Variants in NR5A2 observed in about 807,000 individuals in gnomAD.
The protein encoded by NR5A2 is CYP7A promoter-binding factor.
NR5A2 carries 26 observed loss-of-function variants against 62.7 expected under a neutral mutation model. The observed-to-expected ratio is 0.41, with a 90% CI of 0.30 to 0.58. The LOEUF (loss-of-function observed/expected upper bound fraction) is 0.58. NR5A2 is among the 20% of genes least tolerant of loss of function. NR5A2 has a pLI of 0.22. For missense variants in NR5A2, 541 were observed against 669.1 expected (o/e 0.81, Z 2.11); for synonymous variants, 246 against 241.7 (o/e 1.02, Z -0.16).
At chr1:200,122,127 C>T (rs16846072) in intron 7 of NR5A2, among the ~76,000 whole-genome samples, 2,760 of 152,124 alleles carry the variant, frequency 0.018, 89 homozygotes, top group African/African-American at 0.063. Flanking sequence ...ATGGATGTAA[C>T]GTTCAAAGGT....
intron 7 of NR5A2, among the ~76,000 whole-genome samples, chr1:200,121,280 A>C (rs1025697057): frequency 4.6e-5 from 7 of 152,240 alleles, no homozygotes; most frequent in African/African-American, 1.7e-4. Flanking sequence ...GGAAAGATGT[A>C]TGGTATCAAA....
chr1:200,151,123 A>G (rs1167381239), intron 7 of NR5A2, among the ~76,000 whole-genome samples: 1 of 152,222 alleles, frequency 6.6e-6, no homozygotes, highest in Non-Finnish European at 1.5e-5. Context: ...ACTGCAAACC[A>G]TCTAGCTGAA....
chr1:200,133,610 T>TACAC (rs35303405), intron 7 of NR5A2, among the ~76,000 whole-genome samples: 5 of 143,428 alleles, frequency 3.5e-5, no homozygotes, highest in South Asian at 2.2e-4. Context: ...TACACATATA[T>TACAC]ACACACACAC....
chr1:200,038,023 T>A (rs942611334), intron 1 of NR5A2, among the ~76,000 whole-genome samples: 4 of 152,254 alleles, frequency 2.6e-5, no homozygotes. Context: ...TGGACTCTGA[T>A]AATTACTTCG....
chr1:200,059,884 C>T (rs188908547), intron 5 of NR5A2, among the ~76,000 whole-genome samples: 10 of 152,236 alleles, frequency 6.6e-5, no homozygotes, highest in Admixed American at 4.6e-4. Context: ...CTATTCTTCA[C>T]GTTAAAGACA....
intron 7 of NR5A2, among the ~76,000 whole-genome samples, chr1:200,173,208 T>A (rs1013888668): frequency 5.3e-5 from 8 of 152,194 alleles, no homozygotes; most frequent in African/African-American, 1.9e-4. Flanking sequence ...ATGCCTTTGC[T>A]CATCTTCTCT....
In NR5A2 at chr1:200,027,895, C is replaced by T. The variant is rs143373151; in HGVS notation, c.48C>T (p.His16=). The T allele has an allele frequency of 1.7e-4, 266 of 1,597,028 alleles. No homozygotes were observed. The highest frequency in any genetic ancestry group is 6.6e-4 in the Middle Eastern group (4 of 6,020). ...GGGATTTACAAGAGTCTTTAAAGCA[C>T]GGACTTACACCTATTGGTAAGTAGG... ...DTGDLQESLK[H]GLTPIGAGLP... is the part of the protein sequence containing the mutation. The change falls in exon 1 of 8, where the codon CAC becomes CAT. Residue 16 remains histidine, a synonymous_variant. Coordinates refer to ENST00000367362, the MANE Select transcript of NR5A2 (RefSeq NM_205860.3).
chr1:200,036,435 G>GAGGGAGTTCTGAGGGAGA (rs1558094930), intron 1 of NR5A2, among the ~76,000 whole-genome samples: 2 of 152,208 alleles, frequency 1.3e-5, no homozygotes, highest in African/African-American at 4.8e-5. Context: ...TCAGAGGGAG[G>GAGGGAGTTCTGAGGGAGA]AGGGAGTTCT....
intron 1 of NR5A2, among the ~76,000 whole-genome samples, chr1:200,030,179 C>G (rs1661500584): frequency 6.6e-6 from 1 of 152,094 alleles, no homozygotes; most frequent in Non-Finnish European, 1.5e-5. Flanking sequence ...GCAAGTTGGG[C>G]TGTGTTGAGT....
At chr1:200,031,954 T>C (rs1252305714) in intron 1 of NR5A2, among the ~76,000 whole-genome samples, 3 of 152,134 alleles carry the variant, frequency 2.0e-5, no homozygotes, top group Non-Finnish European at 4.4e-5. Flanking sequence ...AATGCTTCTC[T>C]CCTTTACTTG....
intron 7 of NR5A2, among the ~76,000 whole-genome samples, chr1:200,173,560 A>G (rs1415156435): frequency 1.3e-5 from 2 of 152,264 alleles, no homozygotes; most frequent in Non-Finnish European, 2.9e-5. Flanking sequence ...ACCTTGGGTC[A>G]GAAAAATTAA....
At chr1:200,169,763 G>C (rs1277440611) in intron 7 of NR5A2, among the ~76,000 whole-genome samples, 1 of 152,230 alleles carries the variant, frequency 6.6e-6, no homozygotes, top group South Asian at 2.1e-4. Context: ...AAGGGTTGGG[G>C]ATGCCTCTGT....
intron 7 of NR5A2, among the ~76,000 whole-genome samples, chr1:200,154,289 G>A (rs1255176459): frequency 1.3e-5 from 2 of 152,176 alleles, no homozygotes; most frequent in East Asian, 3.8e-4. Flanking sequence ...CACAGATGGT[G>A]TTATTTCCTG....
chr1:200,080,631 A>G (rs1395909195), intron 5 of NR5A2, among the ~76,000 whole-genome samples: 2 of 152,208 alleles, frequency 1.3e-5, no homozygotes, highest in Non-Finnish European at 2.9e-5. Context: ...ACACCACTGT[A>G]TGAAATATCA....
intron 5 of NR5A2, among the ~76,000 whole-genome samples, chr1:200,094,664 C>G (rs1434792318): frequency 6.7e-6 from 1 of 150,290 alleles, no homozygotes; most frequent in East Asian, 2.0e-4. Flanking sequence ...TCCCGAGTAG[C>G]TGGGACTACA....
chr1:200,149,853 C>CT (rs1652977404), intron 7 of NR5A2, among the ~76,000 whole-genome samples: 1 of 152,150 alleles, frequency 6.6e-6, no homozygotes, highest in Non-Finnish European at 1.5e-5. Flanking sequence ...TACATATGAA[C>CT]TACTATTCAT....
At chr1:200,149,526 C>A (rs1667891936) in intron 7 of NR5A2, among the ~76,000 whole-genome samples, 1 of 152,132 alleles carries the variant, frequency 6.6e-6, no homozygotes, top group South Asian at 2.1e-4. Flanking sequence ...TGGAAGCAAC[C>A]CACAGCTATG....
chr1:200,087,530 G>A (rs1262853625), intron 5 of NR5A2, among the ~76,000 whole-genome samples: 1 of 151,652 alleles, frequency 6.6e-6, no homozygotes, highest in Non-Finnish European at 1.5e-5. Context: ...AAGTAGCTGG[G>A]ACTACAGGCA....
intron 7 of NR5A2, among the ~76,000 whole-genome samples, chr1:200,128,347 A>G (rs904562571): frequency 2.6e-5 from 4 of 152,164 alleles, no homozygotes; most frequent in Non-Finnish European, 5.9e-5. Flanking sequence ...GTTTTTCTCT[A>G]TGTGAACTCT....
Sources: gnomAD v4.1 joint callset for allele counts (sites outside exome capture counted in the v4.1 genomes callset) on GRCh38, gnomAD v4.1.1 for gene constraint, MANE v1.5 for transcripts, NCBI Gene and HGNC (gene_info 2026-07-23, HGNC 2026-07-21) for gene names.